Variants in ABCC11 observed in about 807,000 individuals in gnomAD.
The protein encoded by ABCC11 is ATP binding cassette subfamily C member 11.
Under a neutral mutation model 149.3 loss-of-function variants are expected in ABCC11, and 135 were observed. The ratio of observed to expected loss-of-function variants is 0.90; its 90% confidence interval spans 0.79 to 1.04. The LOEUF (loss-of-function observed/expected upper bound fraction) is 1.04. Among genes scored for constraint, ABCC11 ranks in the 50% least tolerant of loss-of-function variants. ABCC11 has a pLI of 0.00. For missense variants in ABCC11, 1,680 were observed against 1,722.1 expected (o/e 0.98, Z 0.43); for synonymous variants, 665 against 671.4 (o/e 0.99, Z 0.15).
intron 6 of ABCC11, among the ~76,000 whole-genome samples, chr16:48,221,844 C>T (rs754377030): frequency 7.2e-5 from 11 of 151,990 alleles, no homozygotes; most frequent in East Asian, 1.9e-4. Flanking sequence ...TGGGCTCAAG[C>T]GATCCTCCTG....
rs1382483134 is a variant in ABCC11, at chr16:48,222,623, G to T, written c.752C>A (p.Ser251Tyr). 6.2e-7 allele frequency: 1 copy of T among 1,614,142 alleles called. No individual in the cohort carries two copies. The part of the protein sequence containing the change: ...FAFEKLIQFK[S>Y]VIHITSGEAI... ...CTCTCCTGAGGTGATGTGTATTACA[G>T]ACTTAAATTGGATGAGCTTCTCAAA... The change falls in exon 6 of 30, where the codon TCT becomes TAT. Residue 251 changes from serine to tyrosine, a missense_variant. Transcript: ENST00000356608.
rs181406776 is a variant in ABCC11, at chr16:48,188,356, C to G, written c.2707-929G>C. On this transcript the variant is annotated intron_variant, in intron 20 of 29. Transcript: ENST00000356608. ...GGGTTTACCTGCCCTCCATCACCCC[C>G]AGTAGGGCATTCTACCAATACCAGC... Among the ~76,000 whole-genome samples, 3 of 152,360 alleles carry G rather than the reference C, an allele frequency of 2.0e-5. No individual in the cohort carries two copies. The East Asian group carries it at 5.8e-4, about 29-fold the overall frequency.
At chr16:48,198,827 A>G (rs376723090) in intron 15 of ABCC11, among the ~76,000 whole-genome samples, 6 of 152,228 alleles carry the variant, frequency 3.9e-5, no homozygotes, top group African/African-American at 1.4e-4. Flanking sequence ...TCACGAGGTC[A>G]GGAGTTCAAG....
At chr16:48,167,717 C>T in intron 28 of ABCC11, 57 bp from the exon 29 acceptor site, 1 of 1,583,914 alleles carries the variant, frequency 6.3e-7, no homozygotes, top group African/African-American at 1.3e-5. Flanking sequence ...AGACCTGGGT[C>T]TAGCCCTGGT....
chr16:48,231,190 CTTA>C (rs148995256), intron 2 of ABCC11, among the ~76,000 whole-genome samples: 3 of 151,196 alleles, frequency 2.0e-5, no homozygotes, highest in African/African-American at 2.4e-5. Flanking sequence ...TTTGCAGATG[CTTA>C]TTATTATTAT....
chr16:48,215,794 T>A (rs1969296136), intron 7 of ABCC11, among the ~76,000 whole-genome samples: 1 of 152,220 alleles, frequency 6.6e-6, no homozygotes, highest in Non-Finnish European at 1.5e-5. Context: ...GGCTGTGTTA[T>A]TACATCAGCA....
At chr16:48,218,238 G>A (rs184381126) in intron 6 of ABCC11, among the ~76,000 whole-genome samples, 2 of 152,308 alleles carry the variant, frequency 1.3e-5, no homozygotes, top group Non-Finnish European at 2.9e-5. Context: ...CCAGACTGCA[G>A]TGAGCTATGG....
At chr16:48,192,836 C>T in intron 19 of ABCC11, 119 bp from the exon 20 acceptor site, 6 of 977,094 alleles carry the variant, frequency 6.1e-6, no homozygotes, top group Non-Finnish European at 6.3e-6. Flanking sequence ...AGCTGTTTGC[C>T]CAAACCTCCC....
At chr16:48,188,875 C>T (rs1260477312) in intron 20 of ABCC11, among the ~76,000 whole-genome samples, 1 of 152,158 alleles carries the variant, frequency 6.6e-6, no homozygotes, top group African/African-American at 2.4e-5. Flanking sequence ...AAGCCAATGG[C>T]ATTTATTAAA....
chr16:48,219,669 AT>A (rs1383357695), intron 6 of ABCC11, among the ~76,000 whole-genome samples: 2 of 152,060 alleles, frequency 1.3e-5, no homozygotes, highest in African/African-American at 4.8e-5. Flanking sequence ...GTAAAAGAAA[AT>A]TTTTTAATTA....
At position 48,193,853 on chromosome 16, in the gene ABCC11, C is replaced by T. The variant is rs759366366; in HGVS notation, c.2508+26G>A. The T allele has an allele frequency of 1.2e-5, 19 of 1,583,936 alleles. No homozygotes were observed. The Admixed American group carries it at 3.0e-4, about 25-fold the overall frequency. ...CACCTCACTCAAGCCCATAGAAACACAGCCCATCCACCTCATGGCACTCAC... is the reference window on the plus strand; with the variant it reads ...CACCTCACTCAAGCCCATAGAAACATAGCCCATCCACCTCATGGCACTCAC... On this transcript the variant is annotated intron_variant, in intron 19 of 29. Transcript: ENST00000356608.
intron 26 of ABCC11, among the ~76,000 whole-genome samples, chr16:48,171,533 C>G (rs1271456852): frequency 6.6e-6 from 1 of 152,148 alleles, no homozygotes; most frequent in African/African-American, 2.4e-5. Flanking sequence ...TTTCCTTAAG[C>G]CATTTGGGTT....
intron 1 of ABCC11, chr16:48,235,018 G>C (rs13336625): frequency 2.2e-4 from 33 of 152,164 alleles, no homozygotes; most frequent in African/African-American, 7.5e-4. Flanking sequence ...CTCAAACAAG[G>C]TCTTAAAATG....
At chr16:48,175,963 T>C (rs1416522896) in intron 25 of ABCC11, 1 of 151,780 alleles carries the variant, frequency 6.6e-6, no homozygotes, top group Non-Finnish European at 1.5e-5. Context: ...TTCTCATAGT[T>C]AAGCTCTATA....
At chr16:48,211,333 G>T in intron 10 of ABCC11, 134 bp from the exon 11 acceptor site, 1 of 1,129,614 alleles carries the variant, frequency 8.9e-7, no homozygotes, top group Non-Finnish European at 1.2e-6. Flanking sequence ...GTTTGCAGAA[G>T]TACCACCAGT....
chr16:48,184,711 C>A, intron 22 of ABCC11, 85 bp from the exon 23 acceptor site: 1 of 1,373,162 alleles, frequency 7.3e-7, no homozygotes, highest in South Asian at 1.4e-5. Context: ...GCTGCTTCCT[C>A]CAGCATCCAG....
intron 13 of ABCC11, among the ~76,000 whole-genome samples, 178 bp downstream of exon 13, chr16:48,205,235 C>G (rs1968327716): frequency 1.3e-5 from 2 of 152,232 alleles, no homozygotes; most frequent in Non-Finnish European, 2.9e-5. Flanking sequence ...GGGGCCTCAG[C>G]TGATTCATCT....
At chr16:48,218,896 A>G (rs1031572936) in intron 6 of ABCC11, among the ~76,000 whole-genome samples, 4 of 152,198 alleles carry the variant, frequency 2.6e-5, no homozygotes, top group African/African-American at 7.2e-5. Context: ...ATGGACTAAT[A>G]CAAATAAGGA....
In ABCC11 at chr16:48,230,493, C is replaced by T. The variant is rs140361050; in HGVS notation, c.180G>A (p.Pro60=). The change falls in exon 3 of 30, where the codon CCG becomes CCA. Residue 60 remains proline (P), a synonymous_variant. Transcript: ENST00000356608. ...PEAPGRAAVP[P]WGKYDAALRT... is the part of the protein sequence containing the mutation. ...TCAAGGCAGCATCATACTTCCCCCA[C>T]GGTGGGACAGCTGCCCTCCCTGGAG... The T allele has an allele frequency of 3.0e-4, 477 of 1,612,532 alleles. No homozygotes were observed. Among genetic ancestry groups the T allele is most frequent in the Non-Finnish European group, 3.6e-4 (419 of 1,179,272 alleles).
Sources: allele counts gnomAD v4.1 joint callset (sites outside exome capture counted in the v4.1 genomes callset), GRCh38; gene constraint gnomAD v4.1.1; transcripts MANE v1.5; gene names NCBI Gene and HGNC (gene_info 2026-07-23, HGNC 2026-07-21).